Variants in CACNA1B observed in about 807,000 individuals in gnomAD.
CACNA1B encodes the protein calcium voltage-gated channel subunit alpha1 B.
Under a neutral mutation model 247.2 loss-of-function variants are expected in CACNA1B, and 70 were observed. The observed-to-expected ratio is 0.28, with a 90% CI of 0.23 to 0.35. The LOEUF (loss-of-function observed/expected upper bound fraction) is 0.35, where lower values mean the gene tolerates loss of function less well. Among genes scored for constraint, CACNA1B ranks in the 10% least tolerant of loss-of-function variants. CACNA1B has a pLI of 1.00. For synonymous variants in CACNA1B, 1,231 were observed against 1,294.4 expected (o/e 0.95, Z 1.05); for missense variants, 2,367 against 3,197.4 (o/e 0.74, Z 6.26).
Position 138,058,669 on chromosome 9 carries a change from C to T in CACNA1B, c.4409C>T (p.Ser1470Phe). The change falls in exon 29 of 47, where the codon TCC becomes TTC. Residue 1470 changes from serine (S) to phenylalanine (F), a missense_variant. This residue lies in a region of CACNA1B where 436 missense variants were observed against 679.5 expected (regional missense o/e 0.64). Transcript: ENST00000371372. The surrounding 1 kb of genome is among the most constrained non-coding windows in gnomAD (Gnocchi z 4.7). ...TATAAGACGTGGACATTTGTGGTCT[C>T]CCCGCCCTTTGAATACTTCATCATG... ...FQYKTWTFVV[S>F]PPFEYFIMAM... 6.2e-7 allele frequency: 1 copy of T among 1,613,206 alleles called. No homozygotes were observed. Among genetic ancestry groups the T allele is most frequent in the Non-Finnish European group, 8.5e-7 (1 of 1,179,552 alleles).
At chr9:138,063,529 G>C (rs118105290) in intron 31 of CACNA1B, among the ~76,000 whole-genome samples, 2,273 of 152,318 alleles carry the variant, frequency 0.015, 28 homozygotes, top group Non-Finnish European at 0.023. Context: ...ATGATTAAGA[G>C]TACCTTTGGA....
rs1588984874 is a variant in CACNA1B at position 137,891,727 on chromosome 9, G to A, written c.530+8844G>A. ...GCCCTGGACTAGAAGAGGTGAGAAG[G>A]CAGGTGCTGGCTGTGGGGCTGTAGA... On this transcript the variant is annotated intron_variant, in intron 3 of 46. Coordinates refer to ENST00000371372, the MANE Select transcript of CACNA1B (RefSeq NM_000718.4). This position sits in a 1 kb window ranked among gnomAD's most constrained non-coding sequence, Gnocchi z 4.3. 3 of 282,788 alleles carry A rather than the reference G, an allele frequency of 1.1e-5. No individual in the cohort carries two copies. Among genetic ancestry groups the A allele is most frequent in the South Asian group, 3.5e-5 (1 of 28,730 alleles). 17.5% of individuals were successfully genotyped at this position (282,788 alleles called of 1,614,324 possible).
chr9:137,928,957 A>G (rs1460825156), intron 6 of CACNA1B, among the ~76,000 whole-genome samples: 1 of 152,188 alleles, frequency 6.6e-6, no homozygotes, highest in Non-Finnish European at 1.5e-5. Context: ...TTTGTTGTGT[A>G]TTTATAGCAT....
At chr9:137,918,493 C>G (rs746788493) in intron 6 of CACNA1B, among the ~76,000 whole-genome samples, 75 of 152,090 alleles carry the variant, frequency 4.9e-4, no homozygotes, top group Non-Finnish European at 9.0e-4. Context: ...GATGTGTTCC[C>G]CTCAGGTGCT....
intron 40 of CACNA1B, among the ~76,000 whole-genome samples, chr9:138,113,304 AACTCCATCTT>A (rs2131364588): frequency 7.0e-6 from 1 of 143,842 alleles, no homozygotes; most frequent in East Asian, 2.2e-4. Flanking sequence ...TGAGGTGCCC[AACTCCATCTT>A]GTGGGAGACG....
intron 37 of CACNA1B, among the ~76,000 whole-genome samples, chr9:138,099,613 G>A (rs551022574): frequency 2.0e-5 from 3 of 151,150 alleles, no homozygotes; most frequent in South Asian, 4.2e-4. Flanking sequence ...TGCCTGTGGT[G>A]TACTCGTGCC....
At chr9:137,906,754 C>A (rs1177182152) in intron 3 of CACNA1B, among the ~76,000 whole-genome samples, 1 of 152,004 alleles carries the variant, frequency 6.6e-6, no homozygotes, top group African/African-American at 2.4e-5. Context: ...TTCTCTGCAT[C>A]CCTGTGTGAT....
Position 137,891,559 on chromosome 9 carries a change from C to T in CACNA1B, c.530+8676C>T, listed in dbSNP as rs1214327919. 1 of 188,614 alleles carries T rather than the reference C, an allele frequency of 5.3e-6. No homozygotes were observed. Among genetic ancestry groups the T allele is most frequent in the Non-Finnish European group, 1.1e-5 (1 of 91,974 alleles). 11.7% of individuals were successfully genotyped at this position (188,614 alleles called of 1,614,324 possible). ...CACAGAGGTCACAGGGGTTCAAGTT[C>T]ATACCCCGGGAGGGTGGGAGCCTTG... On this transcript the variant is annotated intron_variant, in intron 3 of 46. Coordinates refer to ENST00000371372, the MANE Select transcript of CACNA1B (RefSeq NM_000718.4). This position sits in a 1 kb window ranked among gnomAD's most constrained non-coding sequence, Gnocchi z 4.3.
intron 6 of CACNA1B, among the ~76,000 whole-genome samples, chr9:137,926,438 G>T (rs1195193083): frequency 2.0e-5 from 3 of 152,184 alleles, no homozygotes; most frequent in Non-Finnish European, 4.4e-5. Context: ...CTCTGTCAAT[G>T]GACCATTGGG....
chr9:138,097,468 G>A (rs947956316), intron 37 of CACNA1B, among the ~76,000 whole-genome samples: 1 of 152,112 alleles, frequency 6.6e-6, no homozygotes, highest in Non-Finnish European at 1.5e-5. Context: ...TCCATCACTC[G>A]TTCCTCATTT....
At chr9:137,915,723 A>G (rs1205050464) in intron 5 of CACNA1B, among the ~76,000 whole-genome samples, 1 of 152,128 alleles carries the variant, frequency 6.6e-6, no homozygotes, top group Non-Finnish European at 1.5e-5. Context: ...CTAAGCCTTG[A>G]GAGCTTTCCC....
At chr9:138,110,311 C>T (rs1192632085) in intron 39 of CACNA1B, among the ~76,000 whole-genome samples, 1 of 152,048 alleles carries the variant, frequency 6.6e-6, no homozygotes, top group Non-Finnish European at 1.5e-5. Context: ...GACGGGGTTT[C>T]ACCATGTTGG....
In CACNA1B at chr9:138,052,332, G is replaced by T; in HGVS notation, c.3807+144G>T. Reference sequence around the variant, plus strand: ...TGTGTGAGGGGGTTGGGCTCACTCAGCTGTAAGCCCCCATTACCCAAGTAG... The same window carrying T: ...TGTGTGAGGGGGTTGGGCTCACTCATCTGTAAGCCCCCATTACCCAAGTAG... On this transcript the variant is annotated intron_variant, in intron 25 of 46. Coordinates refer to ENST00000371372, the MANE Select transcript of CACNA1B (RefSeq NM_000718.4). The surrounding 1 kb of genome is among the most constrained non-coding windows in gnomAD (Gnocchi z 5.1). 1.7e-6 allele frequency: 1 copy of T among 594,858 alleles called. No individual in the cohort carries two copies. Among genetic ancestry groups the T allele is most frequent in the Non-Finnish European group, 3.0e-6 (1 of 329,322 alleles). 36.8% of individuals were successfully genotyped at this position (594,858 alleles called of 1,614,324 possible). A position where few individuals can be genotyped will look rare whatever the true frequency, so the allele number is the denominator to read the frequency against.
chr9:137,909,649 G>A (rs1957338742), intron 3 of CACNA1B, among the ~76,000 whole-genome samples: 1 of 152,316 alleles, frequency 6.6e-6, no homozygotes, highest in South Asian at 2.1e-4. Context: ...TATTGTGAGT[G>A]ACGCTGCTAT....
At chr9:137,926,720 G>T (rs1214372035) in intron 6 of CACNA1B, among the ~76,000 whole-genome samples, 2 of 152,210 alleles carry the variant, frequency 1.3e-5, no homozygotes, top group African/African-American at 4.8e-5. Flanking sequence ...CTGTGTTTTT[G>T]ATAGTAGCCA....
rs901235110 is a variant in CACNA1B, at chr9:138,058,821, C to T, written c.4473+88C>T. On this transcript the variant is annotated intron_variant, in intron 29 of 46. Transcript: ENST00000371372. The surrounding 1 kb of genome is among the most constrained non-coding windows in gnomAD (Gnocchi z 4.7). ...GCTGAGTGGAGAGTCAGCCTTCTTC[C>T]TCCCTGCATGAGCCAAAGCAGTAGT... 93 of 1,246,120 alleles carry T rather than the reference C, an allele frequency of 7.5e-5. No homozygotes were observed. The highest frequency in any genetic ancestry group is 1.0e-4 in the Non-Finnish European group (89 of 880,932). 77.2% of individuals were successfully genotyped at this position (1,246,120 alleles called of 1,614,324 possible).
chr9:138,082,305 G>A (rs1367685567), intron 36 of CACNA1B, among the ~76,000 whole-genome samples: 1 of 151,272 alleles, frequency 6.6e-6, no homozygotes, highest in Non-Finnish European at 1.5e-5. Context: ...AAATTTAACA[G>A]AGTTTAATTG....
chr9:137,896,610 T>G (rs1370112211), intron 3 of CACNA1B, among the ~76,000 whole-genome samples: 5 of 152,210 alleles, frequency 3.3e-5, no homozygotes, highest in Non-Finnish European at 5.9e-5. Context: ...TTTGTCTTGT[T>G]TTGATGTCAG....
intron 36 of CACNA1B, among the ~76,000 whole-genome samples, chr9:138,086,685 GAGAT>G (rs1960703186): frequency 6.6e-6 from 1 of 151,364 alleles, no homozygotes; most frequent in Admixed American, 6.6e-5. Context: ...TCCAAAAAGA[GAGAT>G]AGATTCCAGC....
Sources: allele counts gnomAD v4.1 joint callset (sites outside exome capture counted in the v4.1 genomes callset), GRCh38; gene constraint gnomAD v4.1.1; regional missense constraint gnomAD v4.1.1; non-coding constraint Gnocchi (gnomAD v3.1); transcripts MANE v1.5; gene names NCBI Gene and HGNC (gene_info 2026-07-23, HGNC 2026-07-21).